Variants in PKIB observed in about 807,000 individuals in gnomAD.
The protein encoded by PKIB is PKI-beta.
In PKIB, 2 loss-of-function variants were observed where a neutral mutation model predicts 4.5. That is an observed-to-expected ratio of 0.44 (90% confidence interval 0.18 to 1.39). PKIB has a LOEUF of 1.39. Ranked by LOEUF, PKIB falls within the 40% of genes most tolerant of loss-of-function variation. The probability of loss-of-function intolerance (pLI) is 0.27; values close to 1 mark genes in which losing one functional copy is unlikely to be tolerated. For missense variants in PKIB, 94 were observed against 92.6 expected, an observed-to-expected ratio of 1.02 and a Z score of -0.06; for synonymous variants, 38 against 36.0, an observed-to-expected ratio of 1.06 and a Z score of -0.20.
At chr6:122,499,547 A>G (rs155461) in intron 2 of PKIB, among the ~76,000 whole-genome samples, 130,553 of 152,186 alleles carry the variant, frequency 0.86, 56,208 homozygotes, top group South Asian at 0.95. Context: ...ACTAGTCATC[A>G]AAGAAACATA....
chr6:122,724,450 G>T (rs1779864215), intron 4 of PKIB, among the ~76,000 whole-genome samples: 1 of 152,130 alleles, frequency 6.6e-6, no homozygotes, highest in Non-Finnish European at 1.5e-5. Context: ...TTCTATTCTT[G>T]CTGTCTTGAA....
chr6:122,690,529 C>A (rs1023273772), intron 3 of PKIB, among the ~76,000 whole-genome samples: 1 of 152,054 alleles, frequency 6.6e-6, no homozygotes. Context: ...AAAAAGAAAT[C>A]TAATAAAAAC....
intron 3 of PKIB, among the ~76,000 whole-genome samples, chr6:122,603,487 C>CTT (rs1025423864): frequency 6.6e-6 from 1 of 150,930 alleles, no homozygotes; most frequent in African/African-American, 2.4e-5. Context: ...TTCTTTTTTT[C>CTT]TTTTTTTTTG....
At chr6:122,654,664 A>G (rs1776698610) in intron 2 of PKIB, among the ~76,000 whole-genome samples, 1 of 152,202 alleles carries the variant, frequency 6.6e-6, no homozygotes, top group African/African-American at 2.4e-5. Context: ...TTCTATCCTC[A>G]ACTTTCAAAA....
chr6:122,596,301 A>T (rs111392518), intron 3 of PKIB, among the ~76,000 whole-genome samples: 1 of 152,050 alleles, frequency 6.6e-6, no homozygotes, highest in Non-Finnish European at 1.5e-5. Context: ...TCCTCTGTCA[A>T]CTGATCATAG....
At chr6:122,606,964 G>T (rs545396993), upstream of PKIB, among the ~76,000 whole-genome samples, 3 of 151,928 alleles carry the variant, frequency 2.0e-5, no homozygotes, top group South Asian at 6.2e-4. Flanking sequence ...ATCCCTAGAA[G>T]GTAAATACTG....
chr6:122,701,215 G>A, intron 3 of PKIB: 1 of 443,640 alleles, frequency 2.3e-6, no homozygotes, highest in Non-Finnish European at 4.1e-6. Flanking sequence ...ACCATGCTTG[G>A]TTCTCCATGG....
intron 3 of PKIB, among the ~76,000 whole-genome samples, chr6:122,603,202 T>C (rs1180141139): frequency 2.6e-5 from 4 of 152,160 alleles, no homozygotes; most frequent in Non-Finnish European, 4.4e-5. Context: ...TATTTATCTA[T>C]AGTTATTGAG....
At chr6:122,670,497 T>TG (rs1444633172) in intron 2 of PKIB, among the ~76,000 whole-genome samples, 2 of 87,988 alleles carry the variant, frequency 2.3e-5, no homozygotes, top group Non-Finnish European at 2.1e-5. Context: ...AATCACATGT[T>TG]TTTGTTGTTG....
At position 122,604,108 on chromosome 6, in the gene PKIB, G is replaced by A. The variant is rs371527875; in HGVS notation, c.-161+18101G>A. On this transcript the variant is annotated intron_variant, in intron 3 of 6. Transcript: ENST00000392491. The stretch of plus-strand genomic sequence containing the variant: ...TAGTTGGTTAGGGTTAGCAATTCAT[G>A]TACTGGTCCTGAAACATTCAGAGTT... Among the ~76,000 whole-genome samples the A allele has an allele frequency of 5.6e-4, 85 of 152,288 alleles. 1 individual carries two copies. The South Asian group carries it at 0.013, about 23-fold the overall frequency.
intron 2 of PKIB, among the ~76,000 whole-genome samples, chr6:122,486,481 T>C (rs182811032): frequency 2.0e-5 from 3 of 152,280 alleles, no homozygotes; most frequent in East Asian, 1.9e-4. Flanking sequence ...ATTTCTGTTA[T>C]ACATTTTCAT....
intron 2 of PKIB, among the ~76,000 whole-genome samples, chr6:122,670,278 A>G (rs56378326): frequency 0.026 from 3,915 of 152,204 alleles, 95 homozygotes; most frequent in Non-Finnish European, 0.037. Flanking sequence ...CTGTGTACCC[A>G]GCTAAACTTT....
intron 2 of PKIB, among the ~76,000 whole-genome samples, chr6:122,575,834 T>C (rs1773515105): frequency 6.6e-6 from 1 of 152,156 alleles, no homozygotes; most frequent in African/African-American, 2.4e-5. Context: ...ACAAGTGCAC[T>C]AAAATCTCAG....
At chr6:122,604,188 A>G (rs1357423650) in intron 3 of PKIB, among the ~76,000 whole-genome samples, 1 of 152,200 alleles carries the variant, frequency 6.6e-6, no homozygotes, top group East Asian at 1.9e-4. Context: ...GAAGAATCTC[A>G]TGCTGACAGT....
intron 2 of PKIB, among the ~76,000 whole-genome samples, chr6:122,548,095 G>A (rs577323319): frequency 1.4e-4 from 22 of 152,248 alleles, no homozygotes; most frequent in African/African-American, 5.1e-4. Flanking sequence ...TTGATTCACC[G>A]GTTTGGCACA....
intron 2 of PKIB, among the ~76,000 whole-genome samples, chr6:122,646,797 G>C (rs938048635): frequency 1.3e-5 from 2 of 151,982 alleles, no homozygotes; most frequent in African/African-American, 2.4e-5. Flanking sequence ...ATTATATTGG[G>C]TTTTAGTTTC....
chr6:122,654,719 T>C (rs1345765866), intron 2 of PKIB, among the ~76,000 whole-genome samples: 1 of 152,242 alleles, frequency 6.6e-6, no homozygotes, highest in Non-Finnish European at 1.5e-5. Flanking sequence ...TATATTTTTC[T>C]GTACTGATTT....
chr6:122,715,112 A>T (rs969285904), intron 3 of PKIB, among the ~76,000 whole-genome samples: 1 of 152,024 alleles, frequency 6.6e-6, no homozygotes, highest in Non-Finnish European at 1.5e-5. Flanking sequence ...AAAAAAAAGG[A>T]ATTTCTCTTT....
intron 2 of PKIB, among the ~76,000 whole-genome samples, chr6:122,524,760 G>T (rs1156246979): frequency 1.3e-4 from 20 of 151,730 alleles, no homozygotes; most frequent in Non-Finnish European, 1.5e-5. Flanking sequence ...CAATTTTTTG[G>T]TATGTACTTG....
Sources: gnomAD v4.1 joint callset for allele counts (sites outside exome capture counted in the v4.1 genomes callset) on GRCh38, gnomAD v4.1.1 for gene constraint, MANE v1.5 for transcripts, NCBI Gene and HGNC (gene_info 2026-07-23, HGNC 2026-07-21) for gene names.